Variants in CSMD1 observed in about 807,000 individuals in gnomAD.
CSMD1 encodes the protein CUB and sushi domain-containing protein 1.
Under a neutral mutation model 417.5 loss-of-function variants are expected in CSMD1, and 213 were observed. The observed-to-expected ratio is 0.51, with a 90% CI of 0.46 to 0.57. The LOEUF (loss-of-function observed/expected upper bound fraction) is 0.57. Ranked by LOEUF, CSMD1 falls within the 20% of genes least tolerant of loss-of-function variation. The pLI is 0.00. For synonymous variants in CSMD1, 2,862 were observed against 1,736.8 expected, an observed-to-expected ratio of 1.65 and a Z score of -16.11; for missense variants, 6,923 against 4,529.7, an observed-to-expected ratio of 1.53 and a Z score of -15.17.
chr8:4,375,440 C>T (rs1802670942), intron 3 of CSMD1, among the ~76,000 whole-genome samples: 1 of 152,120 alleles, frequency 6.6e-6, no homozygotes, highest in Admixed American at 6.5e-5. Context: ...CCCCAGGAAA[C>T]CAGAGCTGTC....
At chr8:3,385,410 T>C (rs1191932745) in intron 18 of CSMD1, among the ~76,000 whole-genome samples, 2 of 151,624 alleles carry the variant, frequency 1.3e-5, no homozygotes, top group Admixed American at 6.6e-5. Context: ...CGGAAATCTA[T>C]TGACCTGTTA....
chr8:4,351,259 G>A (rs1019966897), intron 3 of CSMD1, among the ~76,000 whole-genome samples: 4 of 152,092 alleles, frequency 2.6e-5, no homozygotes, highest in South Asian at 4.1e-4. Context: ...GTCTTTCTAA[G>A]AAGTAAACAT....
At chr8:4,207,746 A>C (rs1397384830) in intron 3 of CSMD1, among the ~76,000 whole-genome samples, 1 of 152,182 alleles carries the variant, frequency 6.6e-6, no homozygotes, top group Middle Eastern at 3.4e-3. Flanking sequence ...AGATACTGTA[A>C]CATTTCGATA....
At chr8:3,786,413 G>C (rs924875742) in intron 5 of CSMD1, among the ~76,000 whole-genome samples, 1 of 152,048 alleles carries the variant, frequency 6.6e-6, no homozygotes, top group Non-Finnish European at 1.5e-5. Flanking sequence ...CAAGAGTTTG[G>C]GGGACCACAA....
At chr8:3,763,065 G>A (rs1392823458) in intron 5 of CSMD1, among the ~76,000 whole-genome samples, 1 of 152,176 alleles carries the variant, frequency 6.6e-6, no homozygotes, top group Admixed American at 6.5e-5. Flanking sequence ...ATTGAAGCCT[G>A]TCCTATTCTC....
Position 3,199,740 on chromosome 8 carries a change from G to A in CSMD1, c.5168C>T (p.Ala1723Val). The part of the protein sequence containing the change: ...LRFSAKSGAS[A>V]RGFHFVYQAV... Reference sequence around the variant, plus strand: ...TTGATACACGAAGTGGAAGCCGCGGGCAGAGGCACCGCTCTTTGCACTGAA... The same window carrying A: ...TTGATACACGAAGTGGAAGCCGCGGACAGAGGCACCGCTCTTTGCACTGAA... The change falls in exon 33 of 70, where the codon GCC becomes GTC. Residue 1723 changes from alanine to valine, a missense_variant. Transcript: ENST00000635120. 6.3e-7 allele frequency: 1 copy of A among 1,588,868 alleles called. No homozygotes were observed. The highest frequency in any genetic ancestry group is 8.6e-7 in the Non-Finnish European group (1 of 1,167,184).
intron 3 of CSMD1, among the ~76,000 whole-genome samples, chr8:4,243,141 A>C (rs1244146274): frequency 6.6e-6 from 1 of 152,048 alleles, no homozygotes; most frequent in African/African-American, 2.4e-5. Context: ...GAGCAGTTGG[A>C]AAAAGGAGAG....
At chr8:4,900,875 C>T (rs977585289) in intron 1 of CSMD1, among the ~76,000 whole-genome samples, 3 of 152,202 alleles carry the variant, frequency 2.0e-5, no homozygotes, top group African/African-American at 7.2e-5. Flanking sequence ...TTCAGTCGAG[C>T]ACAGTCACCG....
chr8:3,658,358 T>C (rs1798234230), intron 7 of CSMD1, among the ~76,000 whole-genome samples: 1 of 151,690 alleles, frequency 6.6e-6, no homozygotes, highest in South Asian at 2.1e-4. Context: ...TACATCTTTG[T>C]AATAAGAATT....
At position 3,029,474 on chromosome 8, in the gene CSMD1, T is replaced by G. The variant is rs372107940; in HGVS notation, c.7700A>C (p.His2567Pro). ...TCCTGAAACCAGCCTCCAGATGACATGTTCTGAGAGCTGAGCTTCAATGCT... is the reference window on the plus strand; with the variant it reads ...TCCTGAAACCAGCCTCCAGATGACAGGTTCTGAGAGCTGAGCTTCAATGCT... ...CPSIEAQLSE[H>P]VIWRLVSGSL... Residue 2567 changes from histidine (H) to proline (P), a missense_variant, in exon 51 of 70, where the codon CAT becomes CCT. Transcript: ENST00000635120. 2 of 1,605,808 alleles carry G rather than the reference T, an allele frequency of 1.2e-6. No homozygotes were observed. Among genetic ancestry groups the G allele is most frequent in the African/African-American group, 1.3e-5 (1 of 74,544 alleles).
chr8:4,328,907 G>T (rs1046099388), intron 3 of CSMD1, among the ~76,000 whole-genome samples: 2 of 152,160 alleles, frequency 1.3e-5, no homozygotes, highest in African/African-American at 2.4e-5. Context: ...GTATATATTG[G>T]TAGTGTGTTG....
chr8:3,895,189 G>T (rs768023564), intron 5 of CSMD1, among the ~76,000 whole-genome samples: 1 of 152,164 alleles, frequency 6.6e-6, no homozygotes, highest in Non-Finnish European at 1.5e-5. Context: ...AAAGTTTCCT[G>T]TTACTAAGAA....
chr8:4,935,716 G>A (rs6990228), intron 1 of CSMD1, among the ~76,000 whole-genome samples: 47,026 of 152,098 alleles, frequency 0.31, 8,218 homozygotes, highest in Non-Finnish European at 0.4. Flanking sequence ...GAGGAATGGC[G>A]TGCAGGCATT....
chr8:3,021,107 T>C (rs1411231268), intron 51 of CSMD1, among the ~76,000 whole-genome samples: 3 of 152,212 alleles, frequency 2.0e-5, no homozygotes, highest in Non-Finnish European at 4.4e-5. Context: ...AGTCGAATTC[T>C]TCTTGGAGGT....
Position 4,221,252 on chromosome 8 carries a change from T to C in CSMD1, c.416-189153A>G, listed in dbSNP as rs574416729. On this transcript the variant is annotated intron_variant, in intron 3 of 69. Transcript: ENST00000635120. The stretch of plus-strand genomic sequence containing the variant: ...TATATAAAATGAAATGTATGAAATG[T>C]ATCAACACCTGCTCTGGAGAATTTT... Among the ~76,000 whole-genome samples the C allele has an allele frequency of 2.6e-5, 4 of 152,230 alleles. No individual in the cohort carries two copies. In the East Asian group the frequency reaches 5.8e-4, roughly 22 times the overall value.
At chr8:4,286,928 T>TG (rs1460371776) in intron 3 of CSMD1, among the ~76,000 whole-genome samples, 1 of 152,136 alleles carries the variant, frequency 6.6e-6, no homozygotes, top group African/African-American at 2.4e-5. Context: ...GTTTTGTTAT[T>TG]GGATAGGAGT....
At chr8:4,478,507 G>C (rs545088169) in intron 2 of CSMD1, among the ~76,000 whole-genome samples, 15 of 152,208 alleles carry the variant, frequency 9.9e-5, no homozygotes, top group Admixed American at 4.6e-4. Context: ...ACTGAAAGTA[G>C]ATGTATAAAT....
At chr8:4,183,392 G>A (rs896419126) in intron 3 of CSMD1, among the ~76,000 whole-genome samples, 1 of 152,140 alleles carries the variant, frequency 6.6e-6, no homozygotes, top group Non-Finnish European at 1.5e-5. Context: ...TAAGGAAGCT[G>A]ATGTAAAAGC....
chr8:4,203,493 C>T (rs1403009702), intron 3 of CSMD1, among the ~76,000 whole-genome samples: 2 of 152,078 alleles, frequency 1.3e-5, no homozygotes, highest in Non-Finnish European at 2.9e-5. Flanking sequence ...TGTTTATTCT[C>T]GATGAGCAAA....
Sources: gnomAD v4.1 joint callset for allele counts (sites outside exome capture counted in the v4.1 genomes callset) on GRCh38, gnomAD v4.1.1 for gene constraint, MANE v1.5 for transcripts, NCBI Gene and HGNC (gene_info 2026-07-23, HGNC 2026-07-21) for gene names.